The following ARHGAP21 variants were observed in gnomAD, a reference collection of about 807,000 sequenced individuals.
The protein encoded by ARHGAP21 is rho GTPase-activating protein 21.
Under a neutral mutation model 164.6 loss-of-function variants are expected in ARHGAP21, and 38 were observed. The ratio of observed to expected loss-of-function variants is 0.23; its 90% CI spans 0.18 to 0.30. ARHGAP21 has a LOEUF of 0.30. Ranked by LOEUF, ARHGAP21 falls within the 10% of genes least tolerant of loss-of-function variation. ARHGAP21 has a pLI of 1.00. For synonymous variants in ARHGAP21, 766 were observed against 857.9 expected, an observed-to-expected ratio of 0.89 and a Z score of 1.87; for missense variants, 1,822 against 2,370.7, an observed-to-expected ratio of 0.77 and a Z score of 4.81.
intron 2 of ARHGAP21, among the ~76,000 whole-genome samples, chr10:24,716,381 C>G (rs1845379615): frequency 6.6e-6 from 1 of 152,158 alleles, no homozygotes; most frequent in Non-Finnish European, 1.5e-5. Context: ...AAGGTGACCT[C>G]TAAGCAAAAG....
Position 24,619,453 on chromosome 10 carries a change from A to G in ARHGAP21, c.2422+20T>C. ...TCTTATACATTTGGCATATTAGCCA[A>G]TGACTCTAAATGAGCTCACCTATAA... On this transcript the variant is annotated intron_variant, in intron 9 of 25. Transcript: ENST00000396432. The G allele has an allele frequency of 6.3e-7, 1 of 1,593,846 alleles. No individual in the cohort carries two copies.
At chr10:24,699,839 G>A (rs1015719479) in intron 2 of ARHGAP21, among the ~76,000 whole-genome samples, 1 of 152,142 alleles carries the variant, frequency 6.6e-6, no homozygotes, top group African/African-American at 2.4e-5. Flanking sequence ...TAGCATCTCT[G>A]TAGAGTTGGT....
At chr10:24,644,426 G>A (rs1837364787) in intron 4 of ARHGAP21, among the ~76,000 whole-genome samples, 1 of 151,980 alleles carries the variant, frequency 6.6e-6, no homozygotes, top group African/African-American at 2.4e-5. Context: ...ATACCTCCTT[G>A]GGGGAAAACT....
At chr10:24,706,944 T>A (rs1478477182) in intron 2 of ARHGAP21, among the ~76,000 whole-genome samples, 1 of 152,248 alleles carries the variant, frequency 6.6e-6, no homozygotes, top group African/African-American at 2.4e-5. Flanking sequence ...CAATCAACTA[T>A]GCTGGCTCCG....
intron 2 of ARHGAP21, among the ~76,000 whole-genome samples, chr10:24,681,715 G>A (rs1400213743): frequency 6.6e-6 from 1 of 151,686 alleles, no homozygotes; most frequent in African/African-American, 2.4e-5. Flanking sequence ...CTTACATTAG[G>A]GCCAGTTTCA....
chr10:24,625,830 G>A (rs184865834), intron 7 of ARHGAP21, among the ~76,000 whole-genome samples: 16 of 152,190 alleles, frequency 1.1e-4, no homozygotes, highest in Admixed American at 9.8e-4. Context: ...TATCCATAGA[G>A]CAGCAAAAAA....
chr10:24,613,983 C>A (rs1341770954), intron 9 of ARHGAP21, among the ~76,000 whole-genome samples: 1 of 152,172 alleles, frequency 6.6e-6, no homozygotes, highest in Non-Finnish European at 1.5e-5. Flanking sequence ...GGCCAGTGTA[C>A]AAGCGTGTGT....
Position 24,584,504 on chromosome 10 carries a change from C to A in ARHGAP21, c.5785G>T (p.Val1929Leu). The A allele has an allele frequency of 1.2e-6, 2 of 1,613,914 alleles. No individual in the cohort carries two copies. The highest frequency in any genetic ancestry group is 1.7e-6 in the Non-Finnish European group (2 of 1,179,858). The change falls in exon 26 of 26, where the codon GTG becomes TTG. Residue 1929 changes from valine (V) to leucine (L), a missense_variant. Transcript: ENST00000396432. The part of the protein sequence containing the change: ...DQINGESFQN[V>L]SKNASSAANA... ...GCTGCAGAACTAGCATTTTTGCTCA[C>A]GTTCTGGAAGCTTTCTCCGTTTATT...
rs371179802 is a variant in ARHGAP21, at chr10:24,651,692, G to C, written c.268+15293C>G. ...TCATATTTGAAAACTTTATCAACAT[G>C]ATCTACTACATTAAGTGATTAAGGA... is the stretch of plus-strand genomic sequence containing the variant. On this transcript the variant is annotated intron_variant, in intron 4 of 25. Coordinates refer to ENST00000396432, the MANE Select transcript of ARHGAP21 (RefSeq NM_020824.4). 2.0e-5 allele frequency among the ~76,000 whole-genome samples: 3 copies of C among 152,282 alleles called. No homozygotes were observed. The East Asian group carries it at 5.8e-4, about 29-fold the overall frequency.
intron 4 of ARHGAP21, among the ~76,000 whole-genome samples, chr10:24,664,004 C>T (rs1208975748): frequency 6.6e-6 from 1 of 152,152 alleles, no homozygotes; most frequent in Non-Finnish European, 1.5e-5. Context: ...AGCTGAGAAG[C>T]GCTTTAAGCT....
intron 13 of ARHGAP21, 106 bp from the exon 14 acceptor site, chr10:24,601,036 TG>T: frequency 7.6e-7 from 1 of 1,317,802 alleles, no homozygotes; most frequent in South Asian, 1.5e-5. Flanking sequence ...ATATAACTAG[TG>T]TAGCAGGTGG....
chr10:24,633,368 C>G, intron 6 of ARHGAP21, 34 bp downstream of exon 6: 1 of 1,442,060 alleles, frequency 6.9e-7, no homozygotes, highest in Non-Finnish European at 9.7e-7. Context: ...TCTATAAAAC[C>G]CATCTTTGGG....
rs2076782521 is a variant in ARHGAP21 at position 24,600,791 on chromosome 10, A to G, written c.2987T>C (p.Ile996Thr). 1 of 1,614,154 alleles carries G rather than the reference A, an allele frequency of 6.2e-7. No homozygotes were observed. The highest frequency in any genetic ancestry group is 2.2e-5 in the East Asian group (1 of 44,876). ...CTTGGTCTCACTGTAAGAGATGTCT[A>G]TCAAGCAAGCATTAACACTGATGGG... ...EQPISVNACLIDISYSETKRK... is the reference protein window; with the variant it reads ...EQPISVNACLTDISYSETKRK... Residue 996 changes from isoleucine to threonine, a missense_variant, in exon 14 of 26, where the codon ATA (isoleucine) becomes ACA (threonine). By Grantham distance (89) the Ile-to-Thr change is moderately conservative (BLOSUM62 -1). Coordinates refer to ENST00000396432, the MANE Select transcript of ARHGAP21 (RefSeq NM_020824.4).
chr10:24,643,032 A>C (rs1290513408), intron 4 of ARHGAP21, among the ~76,000 whole-genome samples: 1 of 152,224 alleles, frequency 6.6e-6, no homozygotes, highest in Non-Finnish European at 1.5e-5. Context: ...AAATAGTATA[A>C]GGAAAATGCT....
chr10:24,702,727 C>G (rs1005330815), intron 2 of ARHGAP21, among the ~76,000 whole-genome samples: 2 of 152,076 alleles, frequency 1.3e-5, no homozygotes, highest in African/African-American at 2.4e-5. Flanking sequence ...TCTGGGACTA[C>G]AGGTGTGCAC....
At chr10:24,592,988 CTTTTGTTTTCCTTCA>C (rs1031523148) in intron 21 of ARHGAP21, among the ~76,000 whole-genome samples, 4 of 152,120 alleles carry the variant, frequency 2.6e-5, no homozygotes, top group Non-Finnish European at 5.9e-5. Flanking sequence ...AGGTATGGAT[CTTTTGTTTTCCTTCA>C]TTAAATCTTA....
At chr10:24,610,819 C>G (rs2077225216) in intron 9 of ARHGAP21, among the ~76,000 whole-genome samples, 1 of 152,034 alleles carries the variant, frequency 6.6e-6, no homozygotes, top group Admixed American at 6.6e-5. Context: ...ATGAAGAGTT[C>G]TTATAAGTAA....
At chr10:24,597,725 G>C in intron 15 of ARHGAP21, 142 bp from the exon 16 acceptor site, 1 of 1,304,302 alleles carries the variant, frequency 7.7e-7, no homozygotes, top group Non-Finnish European at 1.0e-6. Context: ...CAATTTTGTA[G>C]TCCTGCCCAG....
intron 4 of ARHGAP21, among the ~76,000 whole-genome samples, chr10:24,662,707 C>G (rs1839829526): frequency 3.3e-5 from 5 of 152,200 alleles, no homozygotes; most frequent in Admixed American, 2.6e-4. Flanking sequence ...GGACTTAATA[C>G]ATATCCAACC....
Sources: allele counts gnomAD v4.1 joint callset (sites outside exome capture counted in the v4.1 genomes callset), GRCh38; gene constraint gnomAD v4.1.1; transcripts MANE v1.5; gene names NCBI Gene and HGNC (gene_info 2026-07-23, HGNC 2026-07-21).